The following CRMP1 variants were observed in gnomAD, a reference collection of about 807,000 sequenced individuals.
CRMP1 encodes the protein collapsin response mediator protein 1, also known as dihydropyrimidinase-related protein 1.
CRMP1 carries 19 observed loss-of-function variants against 68.3 expected under a neutral mutation model. The observed-to-expected ratio is 0.28, with a 90% CI of 0.19 to 0.41. CRMP1 has a LOEUF of 0.41. Ranked by LOEUF, CRMP1 falls within the 10% of genes least tolerant of loss-of-function variation. The probability of loss-of-function intolerance (pLI) is 1.00; values close to 1 mark genes in which losing one functional copy is unlikely to be tolerated. For missense variants in CRMP1, 791 were observed against 967.4 expected, an observed-to-expected ratio of 0.82 and a Z score of 2.42; for synonymous variants, 439 against 399.6, an observed-to-expected ratio of 1.10 and a Z score of -1.18.
chr4:5,882,790 A>C (rs773197257), intron 1 of CRMP1, among the ~76,000 whole-genome samples: 9 of 152,220 alleles, frequency 5.9e-5, no homozygotes, highest in Non-Finnish European at 8.8e-5. Flanking sequence ...TAACCAAAGA[A>C]GAAGATCAGA....
In CRMP1 at chr4:5,890,556, A is replaced by G. The variant is rs540794022; in HGVS notation, c.381+2033T>C. 1.3e-5 allele frequency among the ~76,000 whole-genome samples: 2 copies of G among 152,342 alleles called. No individual in the cohort carries two copies. Among genetic ancestry groups the G allele is most frequent in the African/African-American group, 4.8e-5 (2 of 41,594 alleles). ...AAAGTAAAACCCTCCCTCCGTGGAG[A>G]TCGCGAGCCCCTGAGTTCCACAGTC... On this transcript the variant is annotated intron_variant, in intron 1 of 13. Transcript: ENST00000324989. This position sits in a 1 kb window ranked among gnomAD's most constrained non-coding sequence, Gnocchi z 5.5.
intron 1 of CRMP1, among the ~76,000 whole-genome samples, chr4:5,886,459 G>A (rs1482946764): frequency 6.6e-6 from 1 of 152,226 alleles, no homozygotes; most frequent in East Asian, 1.9e-4. Context: ...CAGACACCCA[G>A]CTCCATCGGC....
intron 9 of CRMP1, among the ~76,000 whole-genome samples, chr4:5,839,103 C>T (rs1720918337): frequency 6.6e-6 from 1 of 152,236 alleles, no homozygotes; most frequent in Non-Finnish European, 1.5e-5. Context: ...CCTTTTCCTG[C>T]ACTGTCCCAT....
rs1712508455 is a variant in CRMP1, at chr4:5,850,073, T to C, written c.883-601A>G. On this transcript the variant is annotated intron_variant, in intron 5 of 13. Coordinates refer to ENST00000324989, the MANE Select transcript of CRMP1 (RefSeq NM_001014809.3). This position sits in a 1 kb window ranked among gnomAD's most constrained non-coding sequence, Gnocchi z 4.4. ...CCCTCCCCACTGCCCAGTGTTCTCT[T>C]CCTACCTGAGGAGAATCTGCATTTG... 1.3e-5 allele frequency among the ~76,000 whole-genome samples: 2 copies of C among 152,176 alleles called. No homozygotes were observed. The highest frequency in any genetic ancestry group is 4.8e-5 in the African/African-American group (2 of 41,442).
Position 5,843,332 on chromosome 4 carries a change from T to C in CRMP1, c.964-171A>G, listed in dbSNP as rs574287545. Among the ~76,000 whole-genome samples the C allele has an allele frequency of 6.6e-6, 1 of 152,096 alleles. No individual in the cohort carries two copies. The highest frequency in any genetic ancestry group is 2.1e-4 in the South Asian group (1 of 4,820). ...GGGCAGTGAACTGTGTCCCCTCCACTACACACCCATCCACCTTCCCCTTTG... is the reference window on the plus strand; with the variant it reads ...GGGCAGTGAACTGTGTCCCCTCCACCACACACCCATCCACCTTCCCCTTTG... On this transcript the variant is annotated intron_variant, in intron 6 of 13. Transcript: ENST00000324989. This position sits in a 1 kb window ranked among gnomAD's most constrained non-coding sequence, Gnocchi z 4.1.
chr4:5,835,709 A>G (rs1298667163), intron 11 of CRMP1, among the ~76,000 whole-genome samples: 1 of 152,150 alleles, frequency 6.6e-6, no homozygotes, highest in African/African-American at 2.4e-5. Flanking sequence ...GAGAGAGAGA[A>G]AGAGAAGGAG....
At chr4:5,837,012 TAAGG>T (rs1417756777) in intron 9 of CRMP1, 106 bp from the exon 10 acceptor site, 12 of 1,321,568 alleles carry the variant, frequency 9.1e-6, no homozygotes, top group South Asian at 1.4e-5. Flanking sequence ...AATGAATAGA[TAAGG>T]AAGCCAGTGG....
Position 5,853,928 on chromosome 4 carries a change from A to G in CRMP1, c.820+2215T>C, listed in dbSNP as rs2152464556. 6.6e-6 allele frequency among the ~76,000 whole-genome samples: 1 copy of G among 152,352 alleles called. No homozygotes were observed. Among genetic ancestry groups the G allele is most frequent in the East Asian group, 1.9e-4 (1 of 5,178 alleles). ...GTTGAAAGGTTGCTGCCAGGACCTG[A>G]GCACCATCGCCATTCGCCTGCTGGT... On this transcript the variant is annotated intron_variant, in intron 4 of 13. Coordinates refer to ENST00000324989, the MANE Select transcript of CRMP1 (RefSeq NM_001014809.3). The surrounding 1 kb of genome is among the most constrained non-coding windows in gnomAD (Gnocchi z 4.7).
Position 5,859,498 on chromosome 4 carries a change from C to T in CRMP1, c.655+1528G>A, listed in dbSNP as rs1156334598. Among the ~76,000 whole-genome samples, 2 of 152,228 alleles carry T rather than the reference C, an allele frequency of 1.3e-5. No individual in the cohort carries two copies. The highest frequency in any genetic ancestry group is 2.9e-5 in the Non-Finnish European group (2 of 68,048). ...CAGAACTCTCATGTCCCATGCACTA[C>T]ATGAAGGAATCTCATGTACGTCTCC... On this transcript the variant is annotated intron_variant, in intron 3 of 13. Coordinates refer to ENST00000324989, the MANE Select transcript of CRMP1 (RefSeq NM_001014809.3). This position sits in a 1 kb window ranked among gnomAD's most constrained non-coding sequence, Gnocchi z 5.2.
chr4:5,882,068 T>C, intron 1 of CRMP1, among the ~76,000 whole-genome samples: 1 of 152,194 alleles, frequency 6.6e-6, no homozygotes, highest in South Asian at 2.1e-4. Flanking sequence ...CATTATCAGC[T>C]TCCACGGGTG....
intron 1 of CRMP1, among the ~76,000 whole-genome samples, chr4:5,882,063 T>C (rs1305037776): frequency 6.6e-6 from 1 of 152,210 alleles, no homozygotes; most frequent in Non-Finnish European, 1.5e-5. Flanking sequence ...CACCTCATTA[T>C]CAGCTTCCAC....
rs1253081045 is a variant in CRMP1 at position 5,834,263 on chromosome 4, G to A, written c.1623+1652C>T. Among the ~76,000 whole-genome samples the A allele has an allele frequency of 6.6e-6, 1 of 152,194 alleles. No individual in the cohort carries two copies. Among genetic ancestry groups the A allele is most frequent in the Admixed American group, 6.5e-5 (1 of 15,288 alleles). Reference sequence around the variant, plus strand: ...TCCCCTCAAAATTCAACTGGACATTGACTTGCCATTGCAATGGTATTAAGA... The same window carrying A: ...TCCCCTCAAAATTCAACTGGACATTAACTTGCCATTGCAATGGTATTAAGA... On this transcript the variant is annotated intron_variant, in intron 11 of 13. Coordinates refer to ENST00000324989, the MANE Select transcript of CRMP1 (RefSeq NM_001014809.3). The surrounding 1 kb of genome is among the most constrained non-coding windows in gnomAD (Gnocchi z 4.3).
intron 1 of CRMP1, among the ~76,000 whole-genome samples, chr4:5,869,970 G>T (rs1714328317): frequency 6.6e-6 from 1 of 152,204 alleles, no homozygotes; most frequent in East Asian, 1.9e-4. Context: ...AGGTCCCATG[G>T]TCTTATGGCA....
rs377449262 is a variant in CRMP1, at chr4:5,890,831, T to C, written c.381+1758A>G. ...GACCGCAGTTCCAGAGGAACTCTCC[T>C]TGGGACAGCTACGGGCCGTGCACAA... On this transcript the variant is annotated intron_variant, in intron 1 of 13. Transcript: ENST00000324989. This position sits in a 1 kb window ranked among gnomAD's most constrained non-coding sequence, Gnocchi z 5.5. Among the ~76,000 whole-genome samples, 37 of 152,176 alleles carry C rather than the reference T, an allele frequency of 2.4e-4. No homozygotes were observed. The East Asian group carries it at 4.1e-3, about 17-fold the overall frequency.
chr4:5,887,969 G>C (rs1408749320), intron 1 of CRMP1, among the ~76,000 whole-genome samples: 1 of 152,122 alleles, frequency 6.6e-6, no homozygotes, highest in Non-Finnish European at 1.5e-5. Context: ...CATCCCGTGG[G>C]GGGAGGGGGC....
In CRMP1 at chr4:5,881,125, G is replaced by A. The variant is rs1055271319; in HGVS notation, c.381+11464C>T. On this transcript the variant is annotated intron_variant, in intron 1 of 13. Transcript: ENST00000324989. This position sits in a 1 kb window ranked among gnomAD's most constrained non-coding sequence, Gnocchi z 4.6. ...CATGGTGTGCCAGGTCAAGGCGAAT[G>A]CTCTGGATGCCTGGGACACAGGCCC... Among the ~76,000 whole-genome samples, 8 of 152,236 alleles carry A rather than the reference G, an allele frequency of 5.3e-5. No individual in the cohort carries two copies. Among genetic ancestry groups the A allele is most frequent in the Admixed American group, 4.6e-4 (7 of 15,290 alleles).
In CRMP1 at chr4:5,850,790, T is replaced by C. The variant is rs1476817707; in HGVS notation, c.882+618A>G. ...AGGGAAACTGACAATGAAACAAAAC[T>C]AGGAGACCCAGTAGTATAAGAAGGC... On this transcript the variant is annotated intron_variant, in intron 5 of 13. Coordinates refer to ENST00000324989, the MANE Select transcript of CRMP1 (RefSeq NM_001014809.3). The surrounding 1 kb of genome is among the most constrained non-coding windows in gnomAD (Gnocchi z 4.4). 6.6e-6 allele frequency among the ~76,000 whole-genome samples: 1 copy of C among 152,118 alleles called. No individual in the cohort carries two copies. Among genetic ancestry groups the C allele is most frequent in the African/African-American group, 2.4e-5 (1 of 41,424 alleles).
chr4:5,884,965 C>G (rs1715476562), intron 1 of CRMP1, among the ~76,000 whole-genome samples: 1 of 144,520 alleles, frequency 6.9e-6, no homozygotes, highest in South Asian at 2.3e-4. Context: ...CTAAGTTAAT[C>G]CCCAAGTGTG....
At chr4:5,880,616 C>T (rs1314539521) in intron 1 of CRMP1, among the ~76,000 whole-genome samples, 1 of 152,200 alleles carries the variant, frequency 6.6e-6, no homozygotes, top group Non-Finnish European at 1.5e-5. Context: ...AAAAGCTTCC[C>T]ATTCCATGTG....
Sources: allele counts gnomAD v4.1 joint callset (sites outside exome capture counted in the v4.1 genomes callset), GRCh38; gene constraint gnomAD v4.1.1; non-coding constraint Gnocchi (gnomAD v3.1); transcripts MANE v1.5; gene names NCBI Gene and HGNC (gene_info 2026-07-23, HGNC 2026-07-21).